The following UBE4B variants were observed in gnomAD, a reference collection of about 807,000 sequenced individuals.
The protein encoded by UBE4B is ubiquitin conjugation factor E4 B.
In UBE4B, 27 loss-of-function variants were observed where a neutral mutation model predicts 148.1. The ratio of observed to expected loss-of-function variants is 0.18; its 90% confidence interval spans 0.13 to 0.25. The LOEUF (loss-of-function observed/expected upper bound fraction) is 0.25. UBE4B is among the 10% of genes least tolerant of loss of function. The probability of loss-of-function intolerance (pLI) is 1.00; values close to 1 mark genes in which losing one functional copy is unlikely to be tolerated. For missense variants in UBE4B, 1,170 were observed against 1,662.4 expected, an observed-to-expected ratio of 0.70 and a Z score of 5.15; for synonymous variants, 596 against 619.3, an observed-to-expected ratio of 0.96 and a Z score of 0.56.
In UBE4B at chr1:10,180,914, G is replaced by T. The variant is rs1323516066; in HGVS notation, c.*958G>T. On this transcript the variant is annotated 3_prime_UTR_variant, in exon 28 of 28. Transcript: ENST00000343090. ...TTTGAGGCAGGGTCATTTGTGTGAT[G>T]TGTTTGGCCTTACCAAAGCAAAAGA... 1 of 152,426 alleles carries T rather than the reference G, an allele frequency of 6.6e-6. No individual in the cohort carries two copies. The highest frequency in any genetic ancestry group is 1.9e-4 in the East Asian group (1 of 5,186). The allele number at this position is 152,426 out of a possible 1,614,324, so 9.4% of individuals were successfully genotyped here.
intron 11 of UBE4B, 137 bp downstream of exon 11, chr1:10,127,014 T>C (rs966832217): frequency 2.7e-5 from 21 of 770,438 alleles, no homozygotes; most frequent in Non-Finnish European, 4.5e-5. Flanking sequence ...GTGTTGGCCA[T>C]GCAGAGTGTT....
At chr1:10,170,767 C>A (rs1557615389) in intron 24 of UBE4B, among the ~76,000 whole-genome samples, 1 of 152,104 alleles carries the variant, frequency 6.6e-6, no homozygotes, top group Non-Finnish European at 1.5e-5. Context: ...TGACTCAAAA[C>A]TTTTTTTGCT....
At chr1:10,042,272 G>A (rs186135359) in intron 1 of UBE4B, among the ~76,000 whole-genome samples, 1 of 152,326 alleles carries the variant, frequency 6.6e-6, no homozygotes, top group East Asian at 1.9e-4. Flanking sequence ...TCATTCAACA[G>A]CGCTTACAGT....
At chr1:10,083,875 T>C (rs1644722720) in intron 2 of UBE4B, among the ~76,000 whole-genome samples, 2 of 152,198 alleles carry the variant, frequency 1.3e-5, no homozygotes, top group African/African-American at 4.8e-5. Context: ...TCTTACAGCA[T>C]TATTCCTAGG....
At position 10,045,786 on chromosome 1, in the gene UBE4B, G is replaced by C. The variant is rs570442507; in HGVS notation, c.24+12092G>C. 4.5e-4 allele frequency among the ~76,000 whole-genome samples: 68 copies of C among 152,252 alleles called. No homozygotes were observed. The South Asian group carries it at 0.014, about 31-fold the overall frequency. Reference sequence around the variant, plus strand: ...GGGGAGAAAGGGTCAAACACTAGATGGTCAGATACATTTTGTGGGTAGAGC... The same window carrying C: ...GGGGAGAAAGGGTCAAACACTAGATCGTCAGATACATTTTGTGGGTAGAGC... On this transcript the variant is annotated intron_variant, in intron 1 of 27. Coordinates refer to ENST00000343090, the MANE Select transcript of UBE4B (RefSeq NM_001105562.3).
intron 1 of UBE4B, among the ~76,000 whole-genome samples, chr1:10,035,143 C>T (rs944671904): frequency 6.6e-6 from 1 of 151,428 alleles, no homozygotes; most frequent in Non-Finnish European, 1.5e-5. Context: ...GGACTACAGG[C>T]GCCCGCTACC....
intron 9 of UBE4B, among the ~76,000 whole-genome samples, chr1:10,120,543 T>TA (rs1557571982): frequency 6.6e-6 from 1 of 151,674 alleles, no homozygotes; most frequent in Non-Finnish European, 1.5e-5. Flanking sequence ...AATAAAATAA[T>TA]AAAAAATTAA....
At chr1:10,175,549 G>C (rs1266045632) in intron 25 of UBE4B, among the ~76,000 whole-genome samples, 2 of 152,170 alleles carry the variant, frequency 1.3e-5, no homozygotes, top group East Asian at 1.9e-4. Flanking sequence ...TACTCGGGAG[G>C]CTGAGGCAGG....
At chr1:10,085,000 G>A (rs1250815787) in intron 2 of UBE4B, among the ~76,000 whole-genome samples, 1 of 152,012 alleles carries the variant, frequency 6.6e-6, no homozygotes, top group Non-Finnish European at 1.5e-5. Context: ...CACTGTACCC[G>A]GCCTCTCTCC....
At chr1:10,163,032 T>G (rs1237455596) in intron 23 of UBE4B, among the ~76,000 whole-genome samples, 6 of 152,142 alleles carry the variant, frequency 3.9e-5, no homozygotes. Flanking sequence ...TATGCCCAGC[T>G]TATATTTTAT....
At chr1:10,108,653 G>A (rs1294468452) in intron 7 of UBE4B, among the ~76,000 whole-genome samples, 1 of 152,110 alleles carries the variant, frequency 6.6e-6, no homozygotes, top group Non-Finnish European at 1.5e-5. Context: ...TCAATTCGAT[G>A]GTGTTCAGAA....
At chr1:10,058,110 G>T (rs922097957) in intron 1 of UBE4B, among the ~76,000 whole-genome samples, 1 of 152,182 alleles carries the variant, frequency 6.6e-6, no homozygotes, top group African/African-American at 2.4e-5. Context: ...TAGAGGTGAC[G>T]TGTTTGAGCT....
At position 10,161,573 on chromosome 1, in the gene UBE4B, A is replaced by G. The variant is rs1298606032; in HGVS notation, c.3198+287A>G. Among the ~76,000 whole-genome samples the G allele has an allele frequency of 3.9e-5, 6 of 152,194 alleles. No individual in the cohort carries two copies. The highest frequency in any genetic ancestry group is 8.8e-5 in the Non-Finnish European group (6 of 68,040). ...GGAGATGAGCTTTTATTGTCTGAAT[A>G]TATTAATATTCATGAACATAATTAG... On this transcript the variant is annotated intron_variant, in intron 23 of 27. Transcript: ENST00000343090. This position sits in a 1 kb window ranked among gnomAD's most constrained non-coding sequence, Gnocchi z 4.1.
intron 1 of UBE4B, among the ~76,000 whole-genome samples, chr1:10,039,516 G>C (rs1643676245): frequency 6.6e-6 from 1 of 151,998 alleles, no homozygotes; most frequent in Non-Finnish European, 1.5e-5. Context: ...TGCAGCCTCT[G>C]GTTCCCGGGT....
At chr1:10,068,660 A>G (rs1383223971) in intron 1 of UBE4B, among the ~76,000 whole-genome samples, 2 of 149,584 alleles carry the variant, frequency 1.3e-5, no homozygotes, top group East Asian at 3.9e-4. Context: ...CAGTTTTTGT[A>G]TTTTTAGTAG....
chr1:10,102,753 C>T (rs1645036763), intron 4 of UBE4B, among the ~76,000 whole-genome samples, 195 bp from the exon 5 acceptor site: 1 of 151,994 alleles, frequency 6.6e-6, no homozygotes, highest in South Asian at 2.1e-4. Context: ...ATTGTAAGCT[C>T]ATGAGACTTA....
chr1:10,064,881 A>G (rs1644358285), intron 1 of UBE4B, among the ~76,000 whole-genome samples: 1 of 151,474 alleles, frequency 6.6e-6, no homozygotes. Flanking sequence ...CTCCTGCCTC[A>G]GCCTCCTGAG....
At chr1:10,157,731 C>T (rs568015274) in intron 21 of UBE4B, among the ~76,000 whole-genome samples, 6 of 152,078 alleles carry the variant, frequency 3.9e-5, no homozygotes, top group Admixed American at 2.6e-4. Flanking sequence ...GAGCTGAGAT[C>T]GTGCTACTGC....
Position 10,106,041 on chromosome 1 carries a change from G to C in UBE4B, c.810-156G>C, listed in dbSNP as rs910319720. ...TGTAAGTATAGCCTCTAGATCAATAGGGCAATTAGATTATAATTATTTAGA... is the reference window on the plus strand; with the variant it reads ...TGTAAGTATAGCCTCTAGATCAATACGGCAATTAGATTATAATTATTTAGA... On this transcript the variant is annotated intron_variant, in intron 6 of 27. Coordinates refer to ENST00000343090, the MANE Select transcript of UBE4B (RefSeq NM_001105562.3). This position sits in a 1 kb window ranked among gnomAD's most constrained non-coding sequence, Gnocchi z 4.2. Among the ~76,000 whole-genome samples, 1 of 151,970 alleles carries C rather than the reference G, an allele frequency of 6.6e-6. No homozygotes were observed. Among genetic ancestry groups the C allele is most frequent in the Non-Finnish European group, 1.5e-5 (1 of 68,010 alleles).
Sources: gnomAD v4.1 joint callset for allele counts (sites outside exome capture counted in the v4.1 genomes callset) on GRCh38, gnomAD v4.1.1 for gene constraint, Gnocchi (gnomAD v3.1) non-coding constraint, MANE v1.5 for transcripts, NCBI Gene and HGNC (gene_info 2026-07-23, HGNC 2026-07-21) for gene names.